Variants in CWF19L2 observed in about 807,000 individuals in gnomAD.
CWF19L2 encodes CWF19 like cell cycle control factor 2, also known as CWF19-like protein 2.
CWF19L2 carries 98 observed loss-of-function variants against 111.7 expected under a neutral mutation model. The observed-to-expected ratio is 0.88, with a 90% confidence interval of 0.75 to 1.04. CWF19L2 has a LOEUF of 1.04. Ranked by LOEUF, CWF19L2 falls within the 50% of genes least tolerant of loss-of-function variation. The pLI is 0.00. For synonymous variants in CWF19L2, 351 were observed against 342.9 expected, an observed-to-expected ratio of 1.02 and a Z score of -0.26; for missense variants, 1,101 against 1,051.4, an observed-to-expected ratio of 1.05 and a Z score of -0.65.
intron 12 of CWF19L2, among the ~76,000 whole-genome samples, chr11:107,373,554 G>A (rs1428458712): frequency 1.7e-5 from 2 of 117,490 alleles, no homozygotes; most frequent in African/African-American, 3.3e-5. Flanking sequence ...ACCTGCAGCT[G>A]AGGGTCCTGT....
chr11:107,421,543 C>T (rs1008077178), intron 8 of CWF19L2, among the ~76,000 whole-genome samples: 4 of 151,992 alleles, frequency 2.6e-5, no homozygotes, highest in Admixed American at 1.3e-4. Flanking sequence ...CAGCACTACA[C>T]GTTGTAAGCA....
At chr11:107,442,812 GA>G in intron 4 of CWF19L2, 126 bp downstream of exon 4, 3 of 401,450 alleles carry the variant, frequency 7.5e-6, no homozygotes, top group African/African-American at 3.0e-5. Context: ...GGGAGGGAGG[GA>G]GGGAGGGGGA....
At chr11:107,348,897 C>T in intron 14 of CWF19L2, 40 bp downstream of exon 14, 2 of 1,183,386 alleles carry the variant, frequency 1.7e-6, no homozygotes, top group Non-Finnish European at 2.5e-6. Flanking sequence ...AAAAATTGCT[C>T]ATGAGTTTTA....
At position 107,326,911 on chromosome 11, in the gene CWF19L2, C is replaced by T. The variant is rs1157887341; in HGVS notation, c.2684G>A (p.Ter895=). Residue 895 remains the stop codon, a stop_retained_variant, in exon 18 of 18, where the codon TGA becomes TAA. Coordinates refer to ENST00000282251, the MANE Select transcript of CWF19L2 (RefSeq NM_152434.3). The stretch of plus-strand genomic sequence containing the variant: ...AAATTTTAAAATGGAAGGTACACCT[C>T]AATAGTTTTTACTTTTGGTGAAGTC... ...PYDFTKSKNY[*] The T allele has an allele frequency of 5.0e-6, 8 of 1,594,472 alleles. No homozygotes were observed. Among genetic ancestry groups the T allele is most frequent in the Non-Finnish European group, 6.8e-6 (8 of 1,173,762 alleles).
chr11:107,444,231 C>T (rs1329635474), intron 3 of CWF19L2, among the ~76,000 whole-genome samples: 1 of 151,838 alleles, frequency 6.6e-6, no homozygotes, highest in East Asian at 1.9e-4. Flanking sequence ...ACCGCCTTCA[C>T]ACTCTCACTT....
intron 12 of CWF19L2, among the ~76,000 whole-genome samples, chr11:107,360,940 A>G (rs145788955): frequency 1.3e-5 from 2 of 152,234 alleles, no homozygotes; most frequent in East Asian, 3.9e-4. Context: ...CTATCTGTTC[A>G]TAAAGCTTTT....
rs1183268709 is a variant in CWF19L2 at position 107,439,070 on chromosome 11, T to C, written c.664+20A>G. The C allele has an allele frequency of 1.1e-6, 1 of 900,550 alleles. No individual in the cohort carries two copies. Among genetic ancestry groups the C allele is most frequent in the Non-Finnish European group, 1.7e-6 (1 of 578,504 alleles). The allele number at this position is 900,550 out of a possible 1,614,324, so 55.8% of individuals were successfully genotyped here. ...AAAAAAAAAAAACCCTGTGTGTCTA[T>C]AATCAAAATGTAGAAATACCTTTAG... On this transcript the variant is annotated intron_variant, in intron 6 of 17. Transcript: ENST00000282251.
chr11:107,422,914 A>C (rs187413513), intron 8 of CWF19L2, among the ~76,000 whole-genome samples: 23 of 152,172 alleles, frequency 1.5e-4, no homozygotes, highest in Non-Finnish European at 2.9e-4. Flanking sequence ...TGTTGAAAGG[A>C]AAGGCAATAC....
At chr11:107,422,084 C>T (rs1010448082) in intron 8 of CWF19L2, among the ~76,000 whole-genome samples, 5 of 151,994 alleles carry the variant, frequency 3.3e-5, no homozygotes, top group Admixed American at 3.3e-4. Context: ...ACAATAATTA[C>T]TCTGAGTGAA....
At chr11:107,351,739 C>A (rs1860158665) in intron 13 of CWF19L2, among the ~76,000 whole-genome samples, 1 of 152,100 alleles carries the variant, frequency 6.6e-6, no homozygotes, top group Non-Finnish European at 1.5e-5. Context: ...GCAAACTGGC[C>A]TTATGACTCA....
chr11:107,336,811 G>A (rs1859932488), intron 14 of CWF19L2, 98 bp from the exon 15 acceptor site: 1 of 654,470 alleles, frequency 1.5e-6, no homozygotes. Flanking sequence ...TAATAAAAAA[G>A]TACAAATCCC....
At chr11:107,386,457 T>C (rs1463715290) in intron 12 of CWF19L2, among the ~76,000 whole-genome samples, 2 of 152,224 alleles carry the variant, frequency 1.3e-5, no homozygotes, top group African/African-American at 4.8e-5. Flanking sequence ...AACATAATCA[T>C]GCTTTTTTCC....
intron 10 of CWF19L2, among the ~76,000 whole-genome samples, chr11:107,395,349 T>G (rs1308938450): frequency 3.9e-5 from 6 of 152,202 alleles, no homozygotes; most frequent in Admixed American, 3.9e-4. Context: ...TTAAACCTCT[T>G]TCTTTTGTAA....
rs1265775969 is a variant in CWF19L2, at chr11:107,429,060, G to C, written c.1172C>G (p.Ser391Ter). ...GCCCTGAGCTACCAATGCTGAAGAT[G>C]AACTAAGTGGTTCAAATTTTCTGCC... is the stretch of plus-strand genomic sequence containing the variant. ...SKGRKFEPLS[S>*]SSALVAQGSL... Residue 391 changes from serine (S) to a stop codon, truncating the protein, a stop_gained, in exon 8 of 18, where the codon TCA becomes TGA. Transcript: ENST00000282251. LOFTEE classifies it high-confidence loss of function. The C allele has an allele frequency of 1.2e-6, 2 of 1,613,712 alleles. No individual in the cohort carries two copies. The highest frequency in any genetic ancestry group is 1.7e-6 in the Non-Finnish European group (2 of 1,179,830).
At chr11:107,402,061 C>T (rs1248859615) in intron 10 of CWF19L2, among the ~76,000 whole-genome samples, 2 of 152,126 alleles carry the variant, frequency 1.3e-5, no homozygotes, top group African/African-American at 4.8e-5. Context: ...GCTCATCTCT[C>T]ACTTTATACA....
intron 10 of CWF19L2, among the ~76,000 whole-genome samples, chr11:107,402,814 A>T (rs1326041320): frequency 6.8e-5 from 10 of 147,316 alleles, no homozygotes; most frequent in African/African-American, 2.3e-4. Flanking sequence ...ACAACTGCAA[A>T]ATCAGAGAAC....
At chr11:107,433,311 G>A (rs1199621391) in intron 7 of CWF19L2, among the ~76,000 whole-genome samples, 6 of 151,890 alleles carry the variant, frequency 4.0e-5, no homozygotes, top group Non-Finnish European at 8.8e-5. Flanking sequence ...CCTAACTCTG[G>A]AATATAAAAA....
At chr11:107,340,434 C>T (rs937544802) in intron 14 of CWF19L2, among the ~76,000 whole-genome samples, 2 of 152,190 alleles carry the variant, frequency 1.3e-5, no homozygotes, top group South Asian at 4.1e-4. Context: ...CCCTTTTACA[C>T]TGAATTGCTT....
chr11:107,359,763 A>G (rs1363818076), intron 12 of CWF19L2, among the ~76,000 whole-genome samples: 1 of 152,098 alleles, frequency 6.6e-6, no homozygotes, highest in African/African-American at 2.4e-5. Context: ...ACATTTTACA[A>G]AGGAAAAAAA....
Sources: allele counts gnomAD v4.1 joint callset (sites outside exome capture counted in the v4.1 genomes callset), GRCh38; gene constraint gnomAD v4.1.1; transcripts MANE v1.5; gene names NCBI Gene and HGNC (gene_info 2026-07-23, HGNC 2026-07-21).